Variants in NCALD observed in about 807,000 individuals in gnomAD.
NCALD encodes the protein neurocalcin delta.
NCALD carries 10 observed loss-of-function variants against 18.6 expected under a neutral mutation model. The observed-to-expected ratio is 0.54, with a 90% CI of 0.33 to 0.91. NCALD has a LOEUF of 0.91. Ranked by LOEUF, NCALD falls within the 40% of genes least tolerant of loss-of-function variation. The probability of loss-of-function intolerance (pLI) is 0.03; values close to 1 mark genes in which losing one functional copy is unlikely to be tolerated. For missense variants in NCALD, 184 were observed against 247.6 expected (o/e 0.74, Z 1.72); for synonymous variants, 88 against 87.4 (o/e 1.01, Z -0.04).
intron 4 of NCALD, among the ~76,000 whole-genome samples, chr8:101,829,973 G>A (rs1218128826): frequency 1.0e-5 from 1 of 98,080 alleles, no homozygotes. Flanking sequence ...CAGTCACATG[G>A]GTTTTTTTTT....
At chr8:101,804,450 T>G (rs1200055327) in intron 4 of NCALD, among the ~76,000 whole-genome samples, 1 of 131,538 alleles carries the variant, frequency 7.6e-6, no homozygotes, top group Non-Finnish European at 1.5e-5. Context: ...TTGATATAAT[T>G]AATTATATAA....
At chr8:101,770,141 T>C (rs1811522718) in intron 1 of NCALD, among the ~76,000 whole-genome samples, 1 of 152,226 alleles carries the variant, frequency 6.6e-6, no homozygotes, top group Non-Finnish European at 1.5e-5. Flanking sequence ...GCCATATATT[T>C]CAGGAAGAGA....
chr8:101,916,914 C>T (rs548356564), intron 2 of NCALD, among the ~76,000 whole-genome samples: 3 of 152,196 alleles, frequency 2.0e-5, no homozygotes, highest in Admixed American at 1.3e-4. Context: ...TAGAAGGGAA[C>T]TTTAACACCC....
chr8:101,756,620 T>C (rs921281682), intron 1 of NCALD, among the ~76,000 whole-genome samples: 3 of 152,184 alleles, frequency 2.0e-5, no homozygotes, highest in African/African-American at 7.2e-5. Flanking sequence ...AAGACAGAGA[T>C]ACTGGTTTGC....
In NCALD at chr8:101,940,394, C is replaced by T. The variant is rs1031694195; in HGVS notation, c.-156-24536G>A. 6.6e-5 allele frequency among the ~76,000 whole-genome samples: 10 copies of T among 152,286 alleles called. No homozygotes were observed. In the South Asian group the frequency reaches 1.2e-3, roughly 19 times the overall value. On this transcript the variant is annotated intron_variant, in intron 2 of 6. Transcript: ENST00000311028. ...TATATAACAATCAGTAATTCATCATCCGTCAGAGGAAATGTGTATGGAAGC... is the reference window on the plus strand; with the variant it reads ...TATATAACAATCAGTAATTCATCATTCGTCAGAGGAAATGTGTATGGAAGC...
At chr8:101,961,704 A>G (rs1025734033) in intron 2 of NCALD, among the ~76,000 whole-genome samples, 1 of 152,164 alleles carries the variant, frequency 6.6e-6, no homozygotes, top group South Asian at 2.1e-4. Context: ...AGCTGGGATT[A>G]TAGGTGTGAG....
chr8:102,010,332 AC>A lies in NCALD; in HGVS notation c.-157+9904del, dbSNP rs1460499107. Reference sequence around the variant, plus strand: ...AATTCCTTTACTGCCCTTGCCACTGACCCCAAATAGTTGCTACCCCCAACAG... The same window carrying A: ...AATTCCTTTACTGCCCTTGCCACTGACCCAAATAGTTGCTACCCCCAACAG... On this transcript the variant is annotated intron_variant, in intron 2 of 6. Coordinates refer to the NCALD transcript ENST00000311028. Among the ~76,000 whole-genome samples, 9 of 152,314 alleles carry A rather than the reference AC, an allele frequency of 5.9e-5. No individual in the cohort carries two copies. In the South Asian group the frequency reaches 1.9e-3, roughly 32 times the overall value.
At chr8:101,843,624 T>A (rs927987878) in intron 4 of NCALD, among the ~76,000 whole-genome samples, 7 of 150,738 alleles carry the variant, frequency 4.6e-5, no homozygotes, top group African/African-American at 1.7e-4. Flanking sequence ...TCACACAGGC[T>A]GGAGTGCAGT....
At chr8:101,810,437 AC>A (rs1422875253) in intron 4 of NCALD, among the ~76,000 whole-genome samples, 2 of 152,178 alleles carry the variant, frequency 1.3e-5, no homozygotes, top group African/African-American at 4.8e-5. Context: ...GGTCCAGTTT[AC>A]CCTAAGTTAT....
chr8:101,986,875 G>A (rs375331766), intron 2 of NCALD, among the ~76,000 whole-genome samples: 3 of 145,828 alleles, frequency 2.1e-5, no homozygotes, highest in Admixed American at 7.1e-5. Flanking sequence ...TTTTGAGCTT[G>A]AGCCAGCCAG....
At chr8:101,831,611 C>A (rs1464399735) in intron 4 of NCALD, among the ~76,000 whole-genome samples, 1 of 152,110 alleles carries the variant, frequency 6.6e-6, no homozygotes, top group Non-Finnish European at 1.5e-5. Flanking sequence ...AGGCTGTTTA[C>A]TTTGTGAGCT....
At chr8:102,012,597 C>A (rs575339350) in intron 2 of NCALD, among the ~76,000 whole-genome samples, 149 of 152,340 alleles carry the variant, frequency 9.8e-4, no homozygotes, top group African/African-American at 3.5e-3. Flanking sequence ...ACTGCCCAGT[C>A]ATCTGCATTT....
At chr8:102,079,530 G>A (rs979159808) in intron 1 of NCALD, among the ~76,000 whole-genome samples, 13 of 147,370 alleles carry the variant, frequency 8.8e-5, no homozygotes, top group African/African-American at 3.2e-4. Context: ...CTTTTGGAAG[G>A]CACATGGCAG....
intron 4 of NCALD, among the ~76,000 whole-genome samples, chr8:101,827,296 A>C (rs967208664): frequency 6.6e-6 from 1 of 152,192 alleles, no homozygotes. Context: ...GCCCACCCAC[A>C]TAATCCAGGA....
chr8:101,945,342 G>A (rs1445634058), intron 2 of NCALD, among the ~76,000 whole-genome samples: 1 of 152,168 alleles, frequency 6.6e-6, no homozygotes, highest in Non-Finnish European at 1.5e-5. Context: ...GATGAAGGTG[G>A]GGGACGAGGA....
intron 1 of NCALD, among the ~76,000 whole-genome samples, chr8:102,031,431 T>C (rs1340978912): frequency 6.6e-6 from 1 of 152,224 alleles, no homozygotes; most frequent in Non-Finnish European, 1.5e-5. Context: ...AAGGGGGTTA[T>C]GATGGAGATA....
intron 4 of NCALD, among the ~76,000 whole-genome samples, chr8:101,863,341 G>A (rs999650000): frequency 4.6e-5 from 7 of 152,150 alleles, no homozygotes; most frequent in Non-Finnish European, 8.8e-5. Context: ...GCAGGGATGA[G>A]GTTTCTTTCC....
intron 2 of NCALD, among the ~76,000 whole-genome samples, chr8:102,002,411 C>G (rs1586904549): frequency 6.6e-6 from 1 of 152,018 alleles, no homozygotes; most frequent in African/African-American, 2.4e-5. Flanking sequence ...GACTTAGACT[C>G]CCACACAATA....
chr8:101,883,965 C>T (rs1816582451), intron 4 of NCALD, among the ~76,000 whole-genome samples: 1 of 152,208 alleles, frequency 6.6e-6, no homozygotes, highest in African/African-American at 2.4e-5. Context: ...CCACAGGACT[C>T]ATTTCCTGTT....
Sources: allele counts gnomAD v4.1 joint callset (sites outside exome capture counted in the v4.1 genomes callset), GRCh38; gene constraint gnomAD v4.1.1; transcripts MANE v1.5; gene names NCBI Gene and HGNC (gene_info 2026-07-23, HGNC 2026-07-21).